The following JAK2 variants were observed in gnomAD, a reference collection of about 807,000 sequenced individuals.
JAK2 encodes Janus kinase 2, also known as tyrosine-protein kinase JAK2.
A neutral mutation model predicts 139.3 loss-of-function variants in JAK2; 86 were observed. That is an observed-to-expected ratio of 0.62 (90% CI 0.52 to 0.74). JAK2 has a LOEUF of 0.74. Among genes scored for constraint, JAK2 ranks in the 30% least tolerant of loss-of-function variants. The pLI is 0.00. For missense variants in JAK2, 1,421 were observed against 1,360.3 expected (o/e 1.04, Z -0.70); for synonymous variants, 490 against 437.7 (o/e 1.12, Z -1.49).
chr9:4,991,687 A>AC (rs965494251), intron 2 of JAK2, among the ~76,000 whole-genome samples: 11 of 50,818 alleles, frequency 2.2e-4, no homozygotes, highest in East Asian at 8.0e-4. Context: ...ACTCTTTCCC[A>AC]CCCCCCCACC....
At chr9:5,086,167 C>G in intron 19 of JAK2, 1 of 385,538 alleles carries the variant, frequency 2.6e-6, no homozygotes, top group South Asian at 5.6e-5. Context: ...GCGGTCTCCA[C>G]GCCGCCGGTC....
intron 22 of JAK2, among the ~76,000 whole-genome samples, chr9:5,096,186 A>G (rs1042187756): frequency 6.6e-6 from 1 of 151,972 alleles, no homozygotes; most frequent in African/African-American, 2.4e-5. Flanking sequence ...AAAACACAAA[A>G]CCCATATTAC....
chr9:5,047,333 T>G (rs1422447173), intron 5 of JAK2, among the ~76,000 whole-genome samples: 3 of 152,224 alleles, frequency 2.0e-5, no homozygotes, highest in Non-Finnish European at 2.9e-5. Flanking sequence ...CTTAAGACAG[T>G]ACCTGTAGGA....
At chr9:5,084,550 T>A (rs1054246992) in intron 19 of JAK2, among the ~76,000 whole-genome samples, 4 of 152,144 alleles carry the variant, frequency 2.6e-5, no homozygotes, top group Admixed American at 6.5e-5. Flanking sequence ...TTTTATTTTT[T>A]AAAAAATATT....
At chr9:5,021,107 C>A (rs958044761) in intron 2 of JAK2, among the ~76,000 whole-genome samples, 2 of 152,282 alleles carry the variant, frequency 1.3e-5, no homozygotes, top group African/African-American at 4.8e-5. Flanking sequence ...CTCTCACTTA[C>A]TCTTTCCCCA....
intron 19 of JAK2, chr9:5,086,212 C>G: frequency 1.7e-6 from 1 of 594,478 alleles, no homozygotes; most frequent in South Asian, 5.1e-5. Context: ...GCCACCAGCG[C>G]GAGGCCACGG....
chr9:5,023,534 G>A (rs1822576119), intron 3 of JAK2, among the ~76,000 whole-genome samples: 1 of 152,150 alleles, frequency 6.6e-6, no homozygotes, highest in African/African-American at 2.4e-5. Flanking sequence ...GTCCTGCAAG[G>A]GGCTAGGGTC....
intron 2 of JAK2, among the ~76,000 whole-genome samples, chr9:5,020,387 G>A (rs1445403259): frequency 6.6e-6 from 1 of 152,178 alleles, no homozygotes; most frequent in Non-Finnish European, 1.5e-5. Flanking sequence ...GCTGGGCAGG[G>A]TGAGAGTATC....
intron 3 of JAK2, among the ~76,000 whole-genome samples, chr9:5,023,358 C>G (rs560532895): frequency 6.6e-6 from 1 of 152,180 alleles, no homozygotes; most frequent in Non-Finnish European, 1.5e-5. Context: ...TACGATGCCA[C>G]TGGGCCCCAG....
intron 2 of JAK2, among the ~76,000 whole-genome samples, chr9:4,997,656 C>G (rs1227235535): frequency 1.3e-5 from 2 of 152,196 alleles, no homozygotes; most frequent in Non-Finnish European, 2.9e-5. Context: ...ATCAACCTTG[C>G]TGTACCCCTC....
At chr9:5,021,939 T>G in intron 2 of JAK2, 24 bp from the exon 3 acceptor site, 2 of 1,421,400 alleles carry the variant, frequency 1.4e-6, no homozygotes, top group South Asian at 2.3e-5. Flanking sequence ...AGCCCATTTG[T>G]AACTTTATTG....
intron 22 of JAK2, chr9:5,113,653 C>A: frequency 6.1e-6 from 1 of 163,718 alleles, no homozygotes. Flanking sequence ...CAGGCTACTT[C>A]CTGAAGTCAG....
chr9:5,125,348 T>C (rs1823908247), intron 23 of JAK2, among the ~76,000 whole-genome samples: 1 of 151,388 alleles, frequency 6.6e-6, no homozygotes, highest in Admixed American at 6.6e-5. Flanking sequence ...TAATTTACTG[T>C]ATTAGAAAAA....
At chr9:5,085,106 G>C (rs548054695) in intron 19 of JAK2, 2 of 656,188 alleles carry the variant, frequency 3.0e-6, no homozygotes, top group South Asian at 1.4e-5. Flanking sequence ...TGCTGGGCAA[G>C]GTAGGTTGTT....
Position 5,107,180 on chromosome 9 carries a change from T to C in JAK2, c.3060-15824T>C, listed in dbSNP as rs139630435. ...TACTCTTTTAGTATAAAGAGTACCA[T>C]TGACTTCCAATCAACTAGTTTCGAT... On this transcript the variant is annotated intron_variant, in intron 22 of 24. Transcript: ENST00000381652. Among the ~76,000 whole-genome samples the C allele has an allele frequency of 3.2e-4, 48 of 152,250 alleles. 1 individual carries two copies. The highest frequency in any genetic ancestry group is 6.0e-4 in the African/African-American group (25 of 41,518).
At position 5,072,601 on chromosome 9, in the gene JAK2, A is replaced by T; in HGVS notation, c.1751A>T (p.Asp584Val). ...ACAGAAGTTCTTTTAAAAGTTCTGG[A>T]TAAAGCACACAGAAACTATTCAGAG... ...HETEVLLKVL[D>V]KAHRNYSESF... Residue 584 changes from aspartate to valine, a missense_variant, in exon 13 of 25, where the codon GAT (aspartate) becomes GTT (valine). By Grantham distance (152) the Asp-to-Val change is radical (BLOSUM62 -3). Transcript: ENST00000381652. 1 of 1,608,556 alleles carries T rather than the reference A, an allele frequency of 6.2e-7. No individual in the cohort carries two copies. The highest frequency in any genetic ancestry group is 8.5e-7 in the Non-Finnish European group (1 of 1,176,658).
At chr9:5,039,163 T>C (rs1400474100) in intron 4 of JAK2, among the ~76,000 whole-genome samples, 4 of 152,036 alleles carry the variant, frequency 2.6e-5, no homozygotes, top group Admixed American at 2.6e-4. Flanking sequence ...GTAGGGAAAT[T>C]AGGCAAGAAA....
rs28537882 is a variant in JAK2, at chr9:5,030,775, A to G, written c.350+869A>G. On this transcript the variant is annotated intron_variant, in intron 4 of 24. Coordinates refer to ENST00000381652, the MANE Select transcript of JAK2 (RefSeq NM_004972.4). ...TTGTTTTGCTTCTTTCTCTTCCCCT[A>G]TTCTATATAAAAATATGCAGTTGGA... is the stretch of plus-strand genomic sequence containing the variant. 2.0e-3 allele frequency among the ~76,000 whole-genome samples: 303 copies of G among 152,242 alleles called. 1 individual carries two copies. Among genetic ancestry groups the G allele is most frequent in the African/African-American group, 6.9e-3 (286 of 41,570 alleles).
At chr9:5,064,038 C>T (rs966335256) in intron 8 of JAK2, among the ~76,000 whole-genome samples, 1 of 152,048 alleles carries the variant, frequency 6.6e-6, no homozygotes, top group Non-Finnish European at 1.5e-5. Context: ...TGCCTGTAAT[C>T]CCAGCTTTTT....
Sources: allele counts gnomAD v4.1 joint callset (sites outside exome capture counted in the v4.1 genomes callset), GRCh38; gene constraint gnomAD v4.1.1; transcripts MANE v1.5; gene names NCBI Gene and HGNC (gene_info 2026-07-23, HGNC 2026-07-21).